CDK12: variants seen among roughly 807,000 people sequenced by gnomAD.
CDK12 encodes the protein cyclin dependent kinase 12.
In CDK12, 17 loss-of-function variants were observed where a neutral mutation model predicts 133.8. That is an observed-to-expected ratio of 0.13 (90% CI 0.09 to 0.19). The LOEUF (loss-of-function observed/expected upper bound fraction) is 0.19. Ranked by LOEUF, CDK12 falls within the 10% of genes least tolerant of loss-of-function variation. CDK12 has a pLI of 1.00. For synonymous variants in CDK12, 694 were observed against 683.6 expected (o/e 1.02, Z -0.24); for missense variants, 1,508 against 1,818.7 (o/e 0.83, Z 3.11).
chr17:39,551,992 C>A (rs1442113399), intron 2 of CDK12, among the ~76,000 whole-genome samples: 1 of 152,158 alleles, frequency 6.6e-6, no homozygotes, highest in East Asian at 1.9e-4. Context: ...CTTTATCACA[C>A]TCCCCAGGCC....
intron 11 of CDK12, among the ~76,000 whole-genome samples, chr17:39,523,843 C>T (rs11658678): frequency 0.61 from 92,173 of 151,842 alleles, 31,607 homozygotes; most frequent in South Asian, 0.88. Flanking sequence ...TAGCAGAGAC[C>T]AGGTTTCACC....
At chr17:39,463,962 G>A (rs1219683644) in intron 1 of CDK12, among the ~76,000 whole-genome samples, 1 of 152,050 alleles carries the variant, frequency 6.6e-6, no homozygotes, top group Non-Finnish European at 1.5e-5. Flanking sequence ...AAAACAGAAT[G>A]TGGGCTTTAG....
intron 8 of CDK12, 26 bp downstream of exon 8, chr17:39,511,656 T>C: frequency 1.4e-6 from 2 of 1,458,784 alleles, no homozygotes; most frequent in Non-Finnish European, 1.9e-6. Context: ...CTTTTTCTTT[T>C]GTCTGTAACT....
intron 8 of CDK12, 87 bp downstream of exon 8, chr17:39,511,717 G>A: frequency 2.8e-6 from 2 of 714,208 alleles, no homozygotes; most frequent in Non-Finnish European, 2.3e-6. Context: ...GCTTTTTAGA[G>A]CTCTTCTTAA....
rs1299855271 is a variant in CDK12 at position 39,519,952 on chromosome 17, A to G, written c.2964-4A>G. 1.9e-6 allele frequency: 3 copies of G among 1,613,702 alleles called. No homozygotes were observed. The highest frequency in any genetic ancestry group is 2.5e-6 in the Non-Finnish European group (3 of 1,179,778). ...ACTTGTCCTTTCTGTGTTCTTTTCC[A>G]TAGCATTCCTTCTGCAGCACTTGAT... is the stretch of plus-strand genomic sequence containing the variant. On this transcript the variant is annotated splice_polypyrimidine_tract_variant and splice_region_variant and intron_variant, in intron 10 of 13. Coordinates refer to ENST00000447079, the MANE Select transcript of CDK12 (RefSeq NM_016507.4).
chr17:39,466,769 A>G (rs933031424), intron 1 of CDK12, among the ~76,000 whole-genome samples: 4 of 151,860 alleles, frequency 2.6e-5, no homozygotes, highest in Non-Finnish European at 5.9e-5. Flanking sequence ...TAATATTCCC[A>G]GAGACACATG....
downstream of CDK12, among the ~76,000 whole-genome samples, chr17:39,538,375 C>A (rs976951218): frequency 3.9e-5 from 6 of 152,152 alleles, no homozygotes; most frequent in African/African-American, 1.4e-4. Flanking sequence ...ATTAGAGTCA[C>A]AGAATGTTAG....
At chr17:39,537,339 GA>G (rs2055178776), downstream of CDK12, among the ~76,000 whole-genome samples, 1 of 152,074 alleles carries the variant, frequency 6.6e-6, no homozygotes, top group South Asian at 2.1e-4. Flanking sequence ...AAGACCTAAA[GA>G]AAGCTTAGTA....
chr17:39,481,651 T>G lies in CDK12; in HGVS notation c.1932-8906T>G, dbSNP rs1275500599. 3.8e-3 allele frequency among the ~76,000 whole-genome samples: 69 copies of G among 18,290 alleles called. 8 individuals carry two copies. The highest frequency in any genetic ancestry group is 0.013 in the Admixed American group (27 of 2,006). 12.0% of individuals were successfully genotyped at this position (18,290 alleles called of 152,430 possible). A position where few individuals can be genotyped will look rare whatever the true frequency, so the allele number is the denominator to read the frequency against. The stretch of plus-strand genomic sequence containing the variant: ...CTCGCGCGCTCTCTCTCTCTCTCTC[T>G]CTCTCTCTCTCTCTCTCTCTCTCTC... On this transcript the variant is annotated intron_variant, in intron 2 of 13. Transcript: ENST00000447079.
intron 6 of CDK12, among the ~76,000 whole-genome samples, chr17:39,507,080 A>G (rs2053180114): frequency 6.6e-6 from 1 of 151,684 alleles, no homozygotes. Flanking sequence ...TATTTTTAGT[A>G]GAGACAGGGT....
Position 39,530,389 on chromosome 17 carries a change from A to G in CDK12, c.3761-215A>G, listed in dbSNP as rs180899488. The G allele has an allele frequency of 4.7e-5, 26 of 552,782 alleles. No individual in the cohort carries two copies. In the African/African-American group the frequency reaches 4.8e-4, roughly 10 times the overall value. 34.2% of individuals were successfully genotyped at this position (552,782 alleles called of 1,614,324 possible). On this transcript the variant is annotated intron_variant, in intron 13 of 13. Coordinates refer to ENST00000447079, the MANE Select transcript of CDK12 (RefSeq NM_016507.4). ...TCAGGATAATCATTTGAAACATATG[A>G]TATTTTTACACTAGCTGTTAGATCC...
chr17:39,471,162 T>C lies in CDK12; in HGVS notation c.1330T>C (p.Ser444Pro), dbSNP rs139661788. The C allele has an allele frequency of 1.3e-6, 2 of 1,580,206 alleles. No individual in the cohort carries two copies. Among genetic ancestry groups the C allele is most frequent in the African/African-American group, 2.7e-5 (2 of 72,908 alleles). Residue 444 changes from serine to proline, a missense_variant, in exon 2 of 14, where the codon TCT becomes CCT. This residue lies in a region of CDK12 where 347 missense variants were observed against 330.8 expected (regional missense o/e 1.05). Transcript: ENST00000447079. ...AGAGGCTAAGGATTCAGGTTTGGAG[T>C]CTAAAAAGTTACCCAGAAGTGTAAA... ...SVEAKDSGLESKKLPRSVKLE... is the reference protein window; with the variant it reads ...SVEAKDSGLEPKKLPRSVKLE...
chr17:39,466,928 T>G (rs925236306), intron 1 of CDK12, among the ~76,000 whole-genome samples: 1 of 152,032 alleles, frequency 6.6e-6, no homozygotes, highest in Non-Finnish European at 1.5e-5. Context: ...TCTTGTGTTT[T>G]TTTCCTTGGG....
chr17:39,530,545 G>A, intron 13 of CDK12, 59 bp from the exon 14 acceptor site: 6 of 1,516,082 alleles, frequency 4.0e-6, no homozygotes, highest in East Asian at 2.3e-5. Flanking sequence ...GTGTGTGTTT[G>A]TGTTTATAAT....
At chr17:39,524,642 A>T in intron 11 of CDK12, 32 bp from the exon 12 acceptor site, 1 of 1,572,704 alleles carries the variant, frequency 6.4e-7, no homozygotes, top group Non-Finnish European at 8.8e-7. Flanking sequence ...GCATTCCCTT[A>T]CATATTTCCC....
intron 3 of CDK12, among the ~76,000 whole-genome samples, chr17:39,490,993 G>A (rs139007608): frequency 6.1e-4 from 93 of 152,046 alleles, no homozygotes; most frequent in African/African-American, 2.1e-3. Flanking sequence ...ATCTCATTAT[G>A]TCTTTTTTAT....
upstream of CDK12, chr17:39,544,424 T>TCCCAC (rs1555585082): frequency 5.3e-5 from 19 of 361,606 alleles, no homozygotes; most frequent in South Asian, 1.3e-4. Context: ...CCTACTCCCA[T>TCCCAC]CCCACCCCAC....
At chr17:39,490,166 A>G (rs1181437688) in intron 2 of CDK12, among the ~76,000 whole-genome samples, 1 of 151,812 alleles carries the variant, frequency 6.6e-6, no homozygotes, top group African/African-American at 2.4e-5. Flanking sequence ...CAGGAGTTCA[A>G]GACCAGCCTG....
intron 5 of CDK12, 77 bp downstream of exon 5, chr17:39,494,771 T>TTA: frequency 8.8e-7 from 1 of 1,140,974 alleles, no homozygotes; most frequent in Non-Finnish European, 1.2e-6. Flanking sequence ...CTTTCTTTCT[T>TTA]TCTTTTTTTT....
Sources: gnomAD v4.1 joint callset for allele counts (sites outside exome capture counted in the v4.1 genomes callset) on GRCh38, gnomAD v4.1.1 for gene constraint, gnomAD v4.1.1 regional missense constraint, MANE v1.5 for transcripts, NCBI Gene and HGNC (gene_info 2026-07-23, HGNC 2026-07-21) for gene names.